Variants in CIT observed in about 807,000 individuals in gnomAD.
CIT encodes citron Rho-interacting kinase.
CIT carries 79 observed loss-of-function variants against 272.7 expected under a neutral mutation model. The ratio of observed to expected loss-of-function variants is 0.29; its 90% CI spans 0.24 to 0.35. The LOEUF (loss-of-function observed/expected upper bound fraction) is 0.35. Among genes scored for constraint, CIT ranks in the 10% least tolerant of loss-of-function variants. The pLI is 1.00. For missense variants in CIT, 1,909 were observed against 2,618.3 expected (o/e 0.73, Z 5.91); for synonymous variants, 948 against 995.6 (o/e 0.95, Z 0.90).
In CIT at chr12:119,869,100, A is replaced by T; in HGVS notation, c.198T>A (p.Ala66=). ...TGCTCACGTGCTTAATCTTCATCAG[A>T]GCAGGCTGACTGCATTCTTCAAAGA... ...FVLFEECSQP[A]LMKIKHVSNF... is the part of the protein sequence containing the mutation. Residue 66 remains alanine (A), a synonymous_variant, in exon 3 of 48, where the codon GCT becomes GCA. Transcript: ENST00000392521. 6.2e-7 allele frequency: 1 copy of T among 1,612,578 alleles called. No homozygotes were observed. Among genetic ancestry groups the T allele is most frequent in the Non-Finnish European group, 8.5e-7 (1 of 1,179,624 alleles).
chr12:119,728,437 A>G lies in CIT; in HGVS notation c.3591+65T>C. On this transcript the variant is annotated intron_variant, in intron 28 of 47. Transcript: ENST00000392521. This position sits in a 1 kb window ranked among gnomAD's most constrained non-coding sequence, Gnocchi z 4.3. ...CTGTGAACCTAAAGCTGCTCCAAAA[A>G]AAAGAAGCCTATTAAAAGAAAAAAA... The G allele has an allele frequency of 4.9e-6, 5 of 1,013,762 alleles. No individual in the cohort carries two copies. In the South Asian group the frequency reaches 7.0e-5, roughly 14 times the overall value. 62.8% of individuals were successfully genotyped at this position (1,013,762 alleles called of 1,614,324 possible). A position where few individuals can be genotyped will look rare whatever the true frequency, so the allele number is the denominator to read the frequency against.
Position 119,718,534 on chromosome 12 carries a change from G to T in CIT, c.4004-125C>A. ...AAAAGAATATGCGTCACATCAACTT[G>T]GCAATGCACAGGGGCCATACGTTTT... On this transcript the variant is annotated intron_variant, in intron 31 of 47. Coordinates refer to ENST00000392521, the MANE Select transcript of CIT (RefSeq NM_001206999.2). The surrounding 1 kb of genome is among the most constrained non-coding windows in gnomAD (Gnocchi z 4.8). 7.1e-7 allele frequency: 1 copy of T among 1,405,862 alleles called. No homozygotes were observed. Among genetic ancestry groups the T allele is most frequent in the Non-Finnish European group, 9.7e-7 (1 of 1,027,640 alleles). 87.1% of individuals were successfully genotyped at this position (1,405,862 alleles called of 1,614,324 possible).
At chr12:119,755,797 T>TC (rs1960894984) in intron 22 of CIT, among the ~76,000 whole-genome samples, 1 of 152,312 alleles carries the variant, frequency 6.6e-6, no homozygotes, top group South Asian at 2.1e-4. Flanking sequence ...TGTATTTTCC[T>TC]CCCCAAAACC....
chr12:119,860,363 A>G (rs756966618), intron 3 of CIT, among the ~76,000 whole-genome samples: 1 of 152,176 alleles, frequency 6.6e-6, no homozygotes, highest in Non-Finnish European at 1.5e-5. Flanking sequence ...GGGCACCTAC[A>G]TGGGGAATGC....
At position 119,788,624 on chromosome 12, in the gene CIT, G is replaced by A. The variant is rs538618278; in HGVS notation, c.1296-3559C>T. Among the ~76,000 whole-genome samples the A allele has an allele frequency of 1.4e-4, 22 of 152,230 alleles. 1 individual carries two copies. Among genetic ancestry groups the A allele is most frequent in the African/African-American group, 5.3e-4 (22 of 41,530 alleles). ...CCCAGTAGGGCTTCCTGTTTAAAGT[G>A]CACCGCTGTGGGTACAAAACAGATT... On this transcript the variant is annotated intron_variant, in intron 10 of 47. Transcript: ENST00000392521.
intron 22 of CIT, among the ~76,000 whole-genome samples, chr12:119,755,850 C>A (rs1240199623): frequency 6.6e-6 from 1 of 152,192 alleles, no homozygotes; most frequent in South Asian, 2.1e-4. Flanking sequence ...AAGAGAGCTA[C>A]CTTTCATCAA....
At chr12:119,729,645 G>A (rs1958320187) in intron 27 of CIT, among the ~76,000 whole-genome samples, 1 of 152,192 alleles carries the variant, frequency 6.6e-6, no homozygotes, top group Non-Finnish European at 1.5e-5. Flanking sequence ...CATAAGCACA[G>A]AGACTGCAAA....
intron 10 of CIT, among the ~76,000 whole-genome samples, chr12:119,788,629 G>A (rs182735621): frequency 6.6e-6 from 1 of 152,090 alleles, no homozygotes; most frequent in African/African-American, 2.4e-5. Flanking sequence ...AAAGTGCACC[G>A]CTGTGGGTAC....
chr12:119,701,030 AT>A (rs1390972098), intron 43 of CIT: 2 of 306,512 alleles, frequency 6.5e-6, no homozygotes, highest in Non-Finnish European at 5.8e-6. Flanking sequence ...ATTTTAATTT[AT>A]TAAATTTTAT....
Position 119,776,376 on chromosome 12 carries a change from T to G in CIT, c.1869A>C (p.Glu623Asp). ...AGTATACCTTCTCCAGTTTCGCATA[T>G]TCTCCCACTTCAGGCTTCCCTTGAT... Reference protein sequence around the residue: ...AKDQGKPEVGEYAKLEKINAE... With the variant: ...AKDQGKPEVGDYAKLEKINAE... Residue 623 changes from glutamate to aspartate, a missense_variant, in exon 15 of 48, where the codon GAA (glutamate) becomes GAC (aspartate). Coordinates refer to ENST00000392521, the MANE Select transcript of CIT (RefSeq NM_001206999.2). 1 of 1,613,802 alleles carries G rather than the reference T, an allele frequency of 6.2e-7. No individual in the cohort carries two copies. The highest frequency in any genetic ancestry group is 8.5e-7 in the Non-Finnish European group (1 of 1,179,744).
chr12:119,758,061 G>T (rs1365995022), intron 21 of CIT, among the ~76,000 whole-genome samples: 1 of 152,180 alleles, frequency 6.6e-6, no homozygotes, highest in Non-Finnish European at 1.5e-5. Context: ...CTACTAAGCT[G>T]GTTTAGATTA....
intron 19 of CIT, 151 bp from the exon 20 acceptor site, chr12:119,761,206 C>T: frequency 1.4e-6 from 1 of 692,514 alleles, no homozygotes; most frequent in Non-Finnish European, 2.6e-6. Context: ...AAGGCAAAAA[C>T]TGGGAGTCCG....
Position 119,720,479 on chromosome 12 carries a change from T to C in CIT, c.3839A>G (p.Lys1280Arg). 6.2e-7 allele frequency: 1 copy of C among 1,604,392 alleles called. No individual in the cohort carries two copies. The highest frequency in any genetic ancestry group is 8.5e-7 in the Non-Finnish European group (1 of 1,174,938). Residue 1280 changes from lysine (K) to arginine (R), a missense_variant and splice_region_variant, in exon 30 of 48, where the codon AAG (lysine) becomes AGG (arginine). Around this residue, in one of 8 missense-constraint regions of CIT, gnomAD observed 780 missense variants for 1,067.2 expected, o/e 0.73. Coordinates refer to ENST00000392521, the MANE Select transcript of CIT (RefSeq NM_001206999.2). ...AKMDQPAKKK[K>R]GLFSRRKEDP... Reference sequence around the variant, plus strand: ...CACTTTTCAAACACTTTGACTCACCTTTTTCTTTTTAGCAGGTTGGTCCAT... The same window carrying C: ...CACTTTTCAAACACTTTGACTCACCCTTTTCTTTTTAGCAGGTTGGTCCAT...
chr12:119,816,015 T>A (rs1278475555), intron 9 of CIT, among the ~76,000 whole-genome samples: 1 of 152,204 alleles, frequency 6.6e-6, no homozygotes, highest in African/African-American at 2.4e-5. Context: ...TCGGGCTCCA[T>A]GACCTCATTT....
chr12:119,693,644 T>C (rs1407675174), intron 46 of CIT, among the ~76,000 whole-genome samples: 1 of 152,218 alleles, frequency 6.6e-6, no homozygotes, highest in Non-Finnish European at 1.5e-5. Context: ...AGGACTGTGG[T>C]GCACTGAGCA....
chr12:119,692,044 G>T lies in CIT; in HGVS notation c.5883-1590C>A, dbSNP rs376884859. Among the ~76,000 whole-genome samples the T allele has an allele frequency of 3.9e-5, 6 of 152,330 alleles. No homozygotes were observed. The East Asian group carries it at 1.2e-3, about 29-fold the overall frequency. ...AAAAATGAACCAAGCATGAATCACA[G>T]AATGATTTGTTTTGTGCTAATTGTC... On this transcript the variant is annotated intron_variant, in intron 46 of 47. Transcript: ENST00000392521.
chr12:119,863,876 C>G (rs1950440379), intron 3 of CIT, among the ~76,000 whole-genome samples: 1 of 151,682 alleles, frequency 6.6e-6, no homozygotes, highest in Admixed American at 6.6e-5. Context: ...CTGAAGGACT[C>G]ATGTTTGCCC....
intron 9 of CIT, among the ~76,000 whole-genome samples, chr12:119,817,399 C>G (rs1566085155): frequency 6.6e-6 from 1 of 152,030 alleles, no homozygotes; most frequent in African/African-American, 2.4e-5. Flanking sequence ...GTAGTCCCAG[C>G]TACTCGGGAG....
At position 119,698,051 on chromosome 12, in the gene CIT, T is replaced by C. The variant is rs762315082; in HGVS notation, c.5627A>G (p.Tyr1876Cys). 8.7e-6 allele frequency: 14 copies of C among 1,613,990 alleles called. No individual in the cohort carries two copies. In the Admixed American group the frequency reaches 1.7e-4, roughly 19 times the overall value. Residue 1876 changes from tyrosine to cysteine, a missense_variant, in exon 45 of 48, where the codon TAC becomes TGC. Physicochemically the swap from Tyr to Cys is radical, Grantham distance 194. Coordinates refer to ENST00000392521, the MANE Select transcript of CIT (RefSeq NM_001206999.2). ...GGTCACAAACAGATAGGGTTCTCTGTAGGCTGTGTGATCACCATGCAGGCA... is the reference window on the plus strand; with the variant it reads ...GGTCACAAACAGATAGGGTTCTCTGCAGGCTGTGTGATCACCATGCAGGCA... ...KWSRLPLAFA[Y>C]REPYLFVTHF...
Sources: gnomAD v4.1 joint callset for allele counts (sites outside exome capture counted in the v4.1 genomes callset) on GRCh38, gnomAD v4.1.1 for gene constraint, gnomAD v4.1.1 regional missense constraint, Gnocchi (gnomAD v3.1) non-coding constraint, MANE v1.5 for transcripts, NCBI Gene and HGNC (gene_info 2026-07-23, HGNC 2026-07-21) for gene names.